Variants in TFDP1 observed in about 807,000 individuals in gnomAD.
TFDP1 encodes the protein DRTF1-polypeptide 1.
TFDP1 carries 6 observed loss-of-function variants against 48.0 expected under a neutral mutation model. That is an observed-to-expected ratio of 0.13 (90% CI 0.07 to 0.25). The LOEUF (loss-of-function observed/expected upper bound fraction) is 0.25, where lower values mean the gene tolerates loss of function less well. Ranked by LOEUF, TFDP1 falls within the 10% of genes least tolerant of loss-of-function variation. TFDP1 has a pLI of 1.00. For synonymous variants in TFDP1, 201 were observed against 211.6 expected (o/e 0.95, Z 0.44); for missense variants, 335 against 543.0 (o/e 0.62, Z 3.81).
At chr13:113,595,894 A>G (rs893594002) in intron 2 of TFDP1, among the ~76,000 whole-genome samples, 7 of 152,330 alleles carry the variant, frequency 4.6e-5, no homozygotes, top group Non-Finnish European at 8.8e-5. Flanking sequence ...CATCCTGGCT[A>G]ACATGGTGAA....
In TFDP1 at chr13:113,623,135, T is replaced by C; in HGVS notation, c.80-45T>C. On this transcript the variant is annotated intron_variant, in intron 3 of 11. Coordinates refer to ENST00000375370, the MANE Select transcript of TFDP1 (RefSeq NM_007111.5). The surrounding 1 kb of genome is among the most constrained non-coding windows in gnomAD (Gnocchi z 5.2). Reference sequence around the variant, plus strand: ...TAGAATGGTCGCTTGTAGCCTTAACTTAGAAAAGGAGTCTCGCCCTTGACC... The same window carrying C: ...TAGAATGGTCGCTTGTAGCCTTAACCTAGAAAAGGAGTCTCGCCCTTGACC... 2 of 1,551,584 alleles carry C rather than the reference T, an allele frequency of 1.3e-6. No individual in the cohort carries two copies. Among genetic ancestry groups the C allele is most frequent in the Non-Finnish European group, 1.8e-6 (2 of 1,134,966 alleles).
Position 113,610,977 on chromosome 13 carries a change from G to A in TFDP1, c.13-19G>A. ...CCTTTTAGCTGTCATATTTATTATT[G>A]TTTTGTTGCTTTCCGCAGGCCGGTC... On this transcript the variant is annotated intron_variant, in intron 2 of 11. Coordinates refer to ENST00000375370, the MANE Select transcript of TFDP1 (RefSeq NM_007111.5). The A allele has an allele frequency of 1.9e-6, 3 of 1,612,548 alleles. No individual in the cohort carries two copies. Among genetic ancestry groups the A allele is most frequent in the Non-Finnish European group, 1.7e-6 (2 of 1,179,160 alleles).
intron 2 of TFDP1, among the ~76,000 whole-genome samples, chr13:113,601,222 G>A (rs533075982): frequency 2.6e-5 from 4 of 152,306 alleles, no homozygotes; most frequent in Non-Finnish European, 2.9e-5. Context: ...AACCAGCAGC[G>A]TCTGTCACCT....
Position 113,633,733 on chromosome 13 carries a change from C to G in TFDP1, c.475-157C>G, listed in dbSNP as rs556399219. ...AGGCTTCGCACAGCCCCGTCTTGCC[C>G]TGCGTCATCTGTGGGGTGGGAGCGC... On this transcript the variant is annotated intron_variant, in intron 6 of 11. Transcript: ENST00000375370. This position sits in a 1 kb window ranked among gnomAD's most constrained non-coding sequence, Gnocchi z 4.5. Among the ~76,000 whole-genome samples, 10 of 152,138 alleles carry G rather than the reference C, an allele frequency of 6.6e-5. No homozygotes were observed. Among genetic ancestry groups the G allele is most frequent in the African/African-American group, 2.2e-4 (9 of 41,508 alleles).
At chr13:113,613,012 T>C (rs116013781) in intron 3 of TFDP1, among the ~76,000 whole-genome samples, 3,818 of 121,958 alleles carry the variant, frequency 0.031, 162 homozygotes, top group East Asian at 0.16. Context: ...GCACAGACGG[T>C]GGTTTTTGTT....
intron 3 of TFDP1, among the ~76,000 whole-genome samples, chr13:113,615,680 G>A (rs926489327): frequency 6.6e-6 from 1 of 152,204 alleles, no homozygotes; most frequent in Non-Finnish European, 1.5e-5. Flanking sequence ...GCAGTGGGAG[G>A]ATTGCTTGAG....
At position 113,638,005 on chromosome 13, in the gene TFDP1, C is replaced by G. The variant is rs1038990645; in HGVS notation, c.1085+109C>G. 7 of 1,427,680 alleles carry G rather than the reference C, an allele frequency of 4.9e-6. No individual in the cohort carries two copies. In the African/African-American group the frequency reaches 1.0e-4, roughly 20 times the overall value. The allele number at this position is 1,427,680 out of a possible 1,614,324, so 88.4% of individuals were successfully genotyped here. On this transcript the variant is annotated intron_variant, in intron 11 of 11. Coordinates refer to ENST00000375370, the MANE Select transcript of TFDP1 (RefSeq NM_007111.5). ...TGTGGCCATCAGGTCTGTGGCTGCT[C>G]TGACGTGGCTTGTCTGTCCAGGCAG...
intron 2 of TFDP1, among the ~76,000 whole-genome samples, chr13:113,595,887 C>G (rs1594415470): frequency 6.6e-6 from 1 of 152,184 alleles, no homozygotes; most frequent in African/African-American, 2.4e-5. Context: ...TCGAGACCAT[C>G]CTGGCTAACA....
Position 113,623,863 on chromosome 13 carries a change from T to A in TFDP1, c.186+577T>A, listed in dbSNP as rs1017451578. ...CTGATGCTGCTTCTCATAATGCTGT[T>A]TCCTGTCTCGTGTCCGCCCTCTGCG... On this transcript the variant is annotated intron_variant, in intron 4 of 11. Transcript: ENST00000375370. The surrounding 1 kb of genome is among the most constrained non-coding windows in gnomAD (Gnocchi z 5.2). 1.3e-5 allele frequency among the ~76,000 whole-genome samples: 2 copies of A among 152,142 alleles called. No homozygotes were observed. Among genetic ancestry groups the A allele is most frequent in the African/African-American group, 4.8e-5 (2 of 41,430 alleles).
At chr13:113,622,486 A>G (rs986377387) in intron 3 of TFDP1, among the ~76,000 whole-genome samples, 1 of 152,086 alleles carries the variant, frequency 6.6e-6, no homozygotes, top group African/African-American at 2.4e-5. Flanking sequence ...CACCTGGTTT[A>G]CGGTTTCTTT....
At chr13:113,604,387 T>C (rs954048660) in intron 2 of TFDP1, among the ~76,000 whole-genome samples, 6 of 152,118 alleles carry the variant, frequency 3.9e-5, no homozygotes, top group Non-Finnish European at 2.9e-5. Context: ...TATAATTGGG[T>C]CTGTCTTAGT....
At chr13:113,592,709 C>T (rs924328998) in intron 2 of TFDP1, among the ~76,000 whole-genome samples, 4 of 152,258 alleles carry the variant, frequency 2.6e-5, no homozygotes, top group Non-Finnish European at 5.9e-5. Context: ...CCAGCATTGC[C>T]AACACATCCC....
intron 11 of TFDP1, 39 bp downstream of exon 11, chr13:113,637,935 G>T (rs1475762782): frequency 6.2e-7 from 1 of 1,603,058 alleles, no homozygotes; most frequent in Non-Finnish European, 8.5e-7. Flanking sequence ...CGTCATCTGG[G>T]CCTCCCCCGG....
intron 3 of TFDP1, among the ~76,000 whole-genome samples, chr13:113,614,855 C>T (rs998860903): frequency 1.3e-5 from 2 of 152,190 alleles, no homozygotes; most frequent in African/African-American, 4.8e-5. Context: ...AATTCCTTTT[C>T]TGGGAAAATG....
intron 2 of TFDP1, among the ~76,000 whole-genome samples, chr13:113,594,361 A>G (rs1450289472): frequency 4.3e-5 from 5 of 115,602 alleles, no homozygotes; most frequent in African/African-American, 1.7e-4. Flanking sequence ...TCAGCTATAC[A>G]CAGGTGTCAG....
chr13:113,623,129 C>G lies in TFDP1; in HGVS notation c.80-51C>G. ...TGCATTTAGAATGGTCGCTTGTAGC[C>G]TTAACTTAGAAAAGGAGTCTCGCCC... On this transcript the variant is annotated intron_variant, in intron 3 of 11. Coordinates refer to ENST00000375370, the MANE Select transcript of TFDP1 (RefSeq NM_007111.5). The surrounding 1 kb of genome is among the most constrained non-coding windows in gnomAD (Gnocchi z 5.2). 1 of 1,527,534 alleles carries G rather than the reference C, an allele frequency of 6.5e-7. No homozygotes were observed. The highest frequency in any genetic ancestry group is 9.0e-7 in the Non-Finnish European group (1 of 1,115,672). 94.6% of individuals were successfully genotyped at this position (1,527,534 alleles called of 1,614,324 possible).
At chr13:113,609,035 A>G (rs1315595019) in intron 2 of TFDP1, among the ~76,000 whole-genome samples, 1 of 152,228 alleles carries the variant, frequency 6.6e-6, no homozygotes, top group Non-Finnish European at 1.5e-5. Flanking sequence ...GCCGGCCTTC[A>G]GGCACCATCG....
chr13:113,612,887 C>T (rs982396783), intron 3 of TFDP1, among the ~76,000 whole-genome samples: 5 of 152,216 alleles, frequency 3.3e-5, no homozygotes, highest in Non-Finnish European at 5.9e-5. Flanking sequence ...GCTCGCCCCG[C>T]GTGCCCCGGC....
intron 2 of TFDP1, among the ~76,000 whole-genome samples, chr13:113,597,134 G>T (rs9577580): frequency 0.39 from 58,578 of 151,744 alleles, 11,606 homozygotes; most frequent in Middle Eastern, 0.47. Flanking sequence ...TTCTGAGAGT[G>T]CCGGTGGCTC....
Sources: allele counts gnomAD v4.1 joint callset (sites outside exome capture counted in the v4.1 genomes callset), GRCh38; gene constraint gnomAD v4.1.1; non-coding constraint Gnocchi (gnomAD v3.1); transcripts MANE v1.5; gene names NCBI Gene and HGNC (gene_info 2026-07-23, HGNC 2026-07-21).